Variants in NDUFAF6 observed in about 807,000 individuals in gnomAD.
The protein encoded by NDUFAF6 is NADH:ubiquinone oxidoreductase complex assembly factor 6.
Under a neutral mutation model 40.8 loss-of-function variants are expected in NDUFAF6, and 45 were observed. That is an observed-to-expected ratio of 1.10 (90% confidence interval 0.87 to 1.42). NDUFAF6 has a LOEUF of 1.42. Among genes scored for constraint, NDUFAF6 ranks in the 40% most tolerant of loss-of-function variants. The probability of loss-of-function intolerance (pLI) is 0.00; values close to 1 mark genes in which losing one functional copy is unlikely to be tolerated. For missense variants in NDUFAF6, 435 were observed against 418.5 expected (o/e 1.04, Z -0.34); for synonymous variants, 185 against 155.9 (o/e 1.19, Z -1.39).
chr8:94,919,556 T>C (rs1819360054), intron 1 of NDUFAF6, among the ~76,000 whole-genome samples: 1 of 152,190 alleles, frequency 6.6e-6, no homozygotes, highest in African/African-American at 2.4e-5. Flanking sequence ...TTTTCAGAGC[T>C]ACCAGGAATA....
At chr8:94,972,599 A>C (rs150502518) in intron 1 of NDUFAF6, among the ~76,000 whole-genome samples, 1 of 152,282 alleles carries the variant, frequency 6.6e-6, no homozygotes, top group East Asian at 1.9e-4. Context: ...TTTTGATCAT[A>C]AAATTAAGTA....
In NDUFAF6 at chr8:94,964,344, T is replaced by C. The variant is rs1823836547; in HGVS notation, c.-199+6165T>C. Among the ~76,000 whole-genome samples the C allele has an allele frequency of 1.3e-5, 2 of 151,538 alleles. 1 individual carries two copies. Among genetic ancestry groups the C allele is most frequent in the South Asian group, 4.2e-4 (2 of 4,774 alleles). On this transcript the variant is annotated intron_variant, in intron 1 of 9. Coordinates refer to the NDUFAF6 transcript ENST00000396111. The stretch of plus-strand genomic sequence containing the variant: ...CTTGGGAGGTTGAGGCAGGAGGATA[T>C]TTTGAGACCAAGAGGTTGAGGCTGC...
upstream of NDUFAF6, among the ~76,000 whole-genome samples, chr8:94,954,984 CTG>C (rs1822952078): frequency 6.6e-6 from 1 of 152,188 alleles, no homozygotes; most frequent in Admixed American, 6.5e-5. Flanking sequence ...TAAATACACT[CTG>C]TGCTGTCTGG....
chr8:95,080,447 G>A (rs926969554), downstream of NDUFAF6, among the ~76,000 whole-genome samples: 2 of 132,056 alleles, frequency 1.5e-5, no homozygotes, highest in African/African-American at 5.6e-5. Flanking sequence ...TATTTTTGTA[G>A]TGATTTTTGT....
intron 9 of NDUFAF6, among the ~76,000 whole-genome samples, chr8:95,065,265 T>C (rs959433407): frequency 6.6e-6 from 1 of 152,128 alleles, no homozygotes; most frequent in Non-Finnish European, 1.5e-5. Flanking sequence ...TAGGGAGCAG[T>C]CTTGGGGCCT....
Position 94,940,778 on chromosome 8 carries a change from G to A in NDUFAF6, c.-935-4705G>A, listed in dbSNP as rs970177693. 1.1e-5 allele frequency: 15 copies of A among 1,386,394 alleles called. No individual in the cohort carries two copies. In the Admixed American group the frequency reaches 2.3e-4, roughly 21 times the overall value. The allele number at this position is 1,386,394 out of a possible 1,614,324, so 85.9% of individuals were successfully genotyped here. ...TCCTTATGCAAAAACTGAGATGCAA[G>A]TTTCCATTTTTACTGTGAAGATGAA... On this transcript the variant is annotated intron_variant, in intron 1 of 14. Transcript: ENST00000396113.
intron 1 of NDUFAF6, chr8:94,926,195 G>A (rs1459782944): frequency 6.6e-6 from 1 of 152,472 alleles, no homozygotes; most frequent in African/African-American, 2.4e-5. Context: ...AATTTAGACC[G>A]TGGCTCAAGA....
intron 1 of NDUFAF6, among the ~76,000 whole-genome samples, chr8:94,919,896 C>A (rs1405422488): frequency 6.6e-6 from 1 of 152,206 alleles, no homozygotes; most frequent in African/African-American, 2.4e-5. Flanking sequence ...AAGAAATCCA[C>A]ACTTGGACCT....
chr8:95,010,851 G>C (rs1827197713), intron 2 of NDUFAF6, among the ~76,000 whole-genome samples: 1 of 152,238 alleles, frequency 6.6e-6, no homozygotes, highest in Admixed American at 6.5e-5. Context: ...GGTTTTGTGG[G>C]GAGTAAAGGC....
downstream of NDUFAF6, among the ~76,000 whole-genome samples, chr8:95,079,941 T>C (rs74358043): frequency 5.2e-3 from 741 of 141,964 alleles, 58 homozygotes; most frequent in Admixed American, 0.052. Context: ...TTTTTGGTAG[T>C]GTATTTTTGT....
intron 2 of NDUFAF6, among the ~76,000 whole-genome samples, chr8:95,016,421 C>T (rs1372385930): frequency 1.3e-5 from 2 of 152,192 alleles, no homozygotes; most frequent in African/African-American, 2.4e-5. Context: ...GGATGGAGAC[C>T]TGGGTTCTAA....
intron 1 of NDUFAF6, chr8:94,940,264 G>A: frequency 1.9e-6 from 3 of 1,543,002 alleles, no homozygotes; most frequent in South Asian, 1.3e-5. Flanking sequence ...TTGTTGAAGA[G>A]TCCCACAGGA....
upstream of NDUFAF6, among the ~76,000 whole-genome samples, chr8:95,021,344 T>C (rs901594901): frequency 2.8e-4 from 42 of 152,334 alleles, no homozygotes; most frequent in African/African-American, 9.9e-4. Flanking sequence ...CAATATTTTG[T>C]TTGCCAAATG....
At chr8:94,940,027 T>C in intron 1 of NDUFAF6, 8 of 1,614,092 alleles carry the variant, frequency 5.0e-6, no homozygotes, top group Non-Finnish European at 6.8e-6. Flanking sequence ...CAGTAAAACA[T>C]GGGGGTGGGG....
intron 9 of NDUFAF6, chr8:95,068,525 A>G (rs1262181543): frequency 6.6e-6 from 1 of 151,904 alleles, no homozygotes; most frequent in African/African-American, 2.4e-5. Context: ...AATTTTCCCC[A>G]AATCACACAG....
chr8:94,937,161 A>G (rs1397414383), intron 1 of NDUFAF6, among the ~76,000 whole-genome samples: 2 of 152,178 alleles, frequency 1.3e-5, no homozygotes, highest in Non-Finnish European at 2.9e-5. Flanking sequence ...TTCAGACCAA[A>G]GGACACACTA....
intron 2 of NDUFAF6, among the ~76,000 whole-genome samples, chr8:94,985,203 C>G (rs1825720792): frequency 6.6e-6 from 1 of 151,758 alleles, no homozygotes. Flanking sequence ...AGCTGTGTGA[C>G]ACTGTGAGCA....
At chr8:95,042,408 A>G (rs1436644966) in intron 4 of NDUFAF6, among the ~76,000 whole-genome samples, 2 of 152,248 alleles carry the variant, frequency 1.3e-5, no homozygotes, top group African/African-American at 4.8e-5. Context: ...CCAAAAAGAT[A>G]TATTAGCTAA....
chr8:95,069,255 TAAAC>T (rs548414733), intron 9 of NDUFAF6: 29 of 151,916 alleles, frequency 1.9e-4, no homozygotes, highest in East Asian at 9.7e-4. Flanking sequence ...GACACAGAGG[TAAAC>T]AAACAACAAC....
Sources: gnomAD v4.1 joint callset for allele counts (sites outside exome capture counted in the v4.1 genomes callset) on GRCh38, gnomAD v4.1.1 for gene constraint, MANE v1.5 for transcripts, NCBI Gene and HGNC (gene_info 2026-07-23, HGNC 2026-07-21) for gene names.